The following SND1 variants were observed in gnomAD, a reference collection of about 807,000 sequenced individuals.
The protein encoded by SND1 is staphylococcal nuclease domain-containing protein 1.
SND1 carries 38 observed loss-of-function variants against 121.7 expected under a neutral mutation model. That is an observed-to-expected ratio of 0.31 (90% CI 0.24 to 0.41). The LOEUF is 0.41. Among genes scored for constraint, SND1 ranks in the 10% least tolerant of loss-of-function variants. The pLI is 1.00. For missense variants in SND1, 868 were observed against 1,184.6 expected (o/e 0.73, Z 3.92); for synonymous variants, 401 against 447.4 (o/e 0.90, Z 1.31).
intron 11 of SND1, among the ~76,000 whole-genome samples, chr7:127,816,461 G>A (rs1483573588): frequency 6.6e-6 from 1 of 152,014 alleles, no homozygotes; most frequent in Non-Finnish European, 1.5e-5. Context: ...CTGCAGCTTT[G>A]CCTTCTCACC....
At chr7:127,931,571 A>C (rs1481553389) in intron 15 of SND1, among the ~76,000 whole-genome samples, 2 of 152,246 alleles carry the variant, frequency 1.3e-5, no homozygotes, top group African/African-American at 4.8e-5. Flanking sequence ...TACACCAAAC[A>C]CCAGATTTTC....
chr7:127,684,827 G>A (rs1795785625), intron 1 of SND1, among the ~76,000 whole-genome samples: 1 of 152,158 alleles, frequency 6.6e-6, no homozygotes, highest in African/African-American at 2.4e-5. Flanking sequence ...TTAGGCCAGG[G>A]TCTGTGTGCT....
intron 10 of SND1, among the ~76,000 whole-genome samples, chr7:127,768,588 T>A (rs1047072531): frequency 7.2e-5 from 11 of 152,190 alleles, no homozygotes; most frequent in Non-Finnish European, 2.9e-5. Context: ...TGTGTGAACA[T>A]CCCTGTGGTT....
At chr7:128,089,171 C>T (rs1234211137) in intron 21 of SND1, among the ~76,000 whole-genome samples, 1 of 152,164 alleles carries the variant, frequency 6.6e-6, no homozygotes, top group Non-Finnish European at 1.5e-5. Context: ...TCTCGTGCCG[C>T]AGTTTCCCAA....
intron 12 of SND1, among the ~76,000 whole-genome samples, chr7:127,847,997 T>G (rs143552171): frequency 1.3e-5 from 2 of 152,320 alleles, no homozygotes; most frequent in African/African-American, 4.8e-5. Context: ...CACCAGATCT[T>G]TCTAGATAAC....
At chr7:127,829,731 G>A (rs552850594) in intron 11 of SND1, among the ~76,000 whole-genome samples, 5 of 152,306 alleles carry the variant, frequency 3.3e-5, no homozygotes, top group African/African-American at 1.2e-4. Flanking sequence ...AATGAAGTCT[G>A]CTGTATACTT....
chr7:127,756,635 C>G (rs1293711337), intron 10 of SND1, among the ~76,000 whole-genome samples: 1 of 152,206 alleles, frequency 6.6e-6, no homozygotes, highest in Non-Finnish European at 1.5e-5. Flanking sequence ...AGCCATTCCT[C>G]TGGGATCTTG....
chr7:128,010,491 G>A (rs1461113554), intron 16 of SND1, among the ~76,000 whole-genome samples: 1 of 152,210 alleles, frequency 6.6e-6, no homozygotes, highest in Non-Finnish European at 1.5e-5. Context: ...ATGTCAGCCT[G>A]CATTTAAAGC....
At chr7:127,978,788 G>A (rs1031540912) in intron 15 of SND1, among the ~76,000 whole-genome samples, 7 of 152,120 alleles carry the variant, frequency 4.6e-5, no homozygotes, top group Non-Finnish European at 1.0e-4. Context: ...TCAGGTTCAA[G>A]CGATTCTCCT....
At chr7:127,848,602 C>T (rs112833933) in intron 12 of SND1, among the ~76,000 whole-genome samples, 1 of 152,270 alleles carries the variant, frequency 6.6e-6, no homozygotes, top group East Asian at 1.9e-4. Flanking sequence ...TGTAATCTGT[C>T]GGCTTATATA....
chr7:127,880,737 G>GTGTA lies in SND1; in HGVS notation c.1344-7164_1344-7163insGTAT, dbSNP rs1380913638. Reference sequence around the variant, plus strand: ...CAGGGGTGTGTGTGTGTGTGTGTGTGTATAATGGTGTTATTCCCTGTGCCC... The same window carrying GTGTA: ...CAGGGGTGTGTGTGTGTGTGTGTGTGTGTATATAATGGTGTTATTCCCTGTGCCC... On this transcript the variant is annotated intron_variant, in intron 12 of 23. Coordinates refer to ENST00000354725, the MANE Select transcript of SND1 (RefSeq NM_014390.4). Among the ~76,000 whole-genome samples, 16 of 151,906 alleles carry GTGTA rather than the reference G, an allele frequency of 1.1e-4. No individual in the cohort carries two copies. In the East Asian group the frequency reaches 3.1e-3, roughly 30 times the overall value.
chr7:127,918,575 G>T (rs1023537068), intron 14 of SND1, among the ~76,000 whole-genome samples: 6 of 152,070 alleles, frequency 3.9e-5, no homozygotes, highest in South Asian at 2.1e-4. Flanking sequence ...AGGATGGGAG[G>T]CCTTACTGTG....
intron 10 of SND1, among the ~76,000 whole-genome samples, chr7:127,771,153 C>A (rs556165696): frequency 6.7e-4 from 102 of 152,314 alleles, no homozygotes; most frequent in African/African-American, 2.4e-3. Flanking sequence ...CAGGATCATA[C>A]ATCAAACAGA....
At chr7:127,753,751 C>T (rs765319692) in intron 10 of SND1, among the ~76,000 whole-genome samples, 10 of 152,114 alleles carry the variant, frequency 6.6e-5, no homozygotes, top group Non-Finnish European at 1.5e-4. Flanking sequence ...CTATTATTTC[C>T]TGCCTTCTTT....
chr7:127,711,358 T>G (rs1014806002), intron 9 of SND1, among the ~76,000 whole-genome samples: 3 of 152,218 alleles, frequency 2.0e-5, no homozygotes, highest in Non-Finnish European at 4.4e-5. Context: ...CTTGATAGTT[T>G]AGCTGGATAT....
chr7:127,751,581 C>A (rs981702893), intron 10 of SND1, among the ~76,000 whole-genome samples: 4 of 144,234 alleles, frequency 2.8e-5, no homozygotes, highest in African/African-American at 9.8e-5. Context: ...TAGGCTATAG[C>A]CTTCATTTGG....
intron 16 of SND1, among the ~76,000 whole-genome samples, chr7:128,043,509 G>T (rs780937390): frequency 6.6e-6 from 1 of 151,928 alleles, no homozygotes; most frequent in Non-Finnish European, 1.5e-5. Flanking sequence ...CAGAGGCAGA[G>T]GCTGCAGTGA....
intron 12 of SND1, among the ~76,000 whole-genome samples, chr7:127,854,564 ATTTATTTATTTATTTATTT>A (rs1799235173): frequency 1.3e-5 from 2 of 150,466 alleles, no homozygotes; most frequent in African/African-American, 4.9e-5. Flanking sequence ...TTATTTATTT[ATTTATTTATTTATTTATTT>A]AGAATAGTGC....
chr7:127,723,858 C>T (rs1475906425), intron 10 of SND1, among the ~76,000 whole-genome samples: 1 of 152,138 alleles, frequency 6.6e-6, no homozygotes, highest in African/African-American at 2.4e-5. Flanking sequence ...GACTTATATC[C>T]AAATTATTAT....
Sources: allele counts gnomAD v4.1 joint callset (sites outside exome capture counted in the v4.1 genomes callset), GRCh38; gene constraint gnomAD v4.1.1; transcripts MANE v1.5; gene names NCBI Gene and HGNC (gene_info 2026-07-23, HGNC 2026-07-21).